The following SLIT2 variants were observed in gnomAD, a reference collection of about 807,000 sequenced individuals.
SLIT2 encodes slit guidance ligand 2.
A neutral mutation model predicts 185.7 loss-of-function variants in SLIT2; 41 were observed. That is an observed-to-expected ratio of 0.22 (90% CI 0.17 to 0.29). The LOEUF (loss-of-function observed/expected upper bound fraction) is 0.29. SLIT2 is among the 10% of genes least tolerant of loss of function. The probability of loss-of-function intolerance (pLI) is 1.00; values close to 1 mark genes in which losing one functional copy is unlikely to be tolerated. For missense variants in SLIT2, 1,571 were observed against 1,909.0 expected, an observed-to-expected ratio of 0.82 and a Z score of 3.30; for synonymous variants, 693 against 680.2, an observed-to-expected ratio of 1.02 and a Z score of -0.29.
In SLIT2 at chr4:20,254,018, C is replaced by G. The variant is rs73801487; in HGVS notation, c.179+24C>G. 35 of 1,590,848 alleles carry G rather than the reference C, an allele frequency of 2.2e-5. No homozygotes were observed. The highest frequency in any genetic ancestry group is 2.9e-5 in the Non-Finnish European group (34 of 1,171,936). On this transcript the variant is annotated intron_variant, in intron 1 of 36. Transcript: ENST00000504154. The surrounding 1 kb of genome is among the most constrained non-coding windows in gnomAD (Gnocchi z 5.1). ...CTGTGAGTATGCGCTCTTCGTCTTC[C>G]CCTCTCCCCATCCGGGCCGCGCACC...
intron 21 of SLIT2, among the ~76,000 whole-genome samples, chr4:20,542,839 TGTGTGTGTGTGTGTGTGTGTGTGC>T (rs1169358765): frequency 9.2e-4 from 85 of 92,682 alleles, no homozygotes; most frequent in African/African-American, 3.6e-3. Flanking sequence ...TGTGTGTGTG[TGTGTGTGTGTGTGTGTGTGTGTGC>T]GCTATAAGAT....
At chr4:20,359,345 G>C (rs1348927672) in intron 4 of SLIT2, among the ~76,000 whole-genome samples, 1 of 151,964 alleles carries the variant, frequency 6.6e-6, no homozygotes, top group Non-Finnish European at 1.5e-5. Flanking sequence ...GTGTAGGGAG[G>C]GATTTCTGGT....
At position 20,254,565 on chromosome 4, in the gene SLIT2, A is replaced by G. The variant is rs544054270; in HGVS notation, c.179+571A>G. On this transcript the variant is annotated intron_variant, in intron 1 of 36. Transcript: ENST00000504154. This position sits in a 1 kb window ranked among gnomAD's most constrained non-coding sequence, Gnocchi z 5.1. ...CAGGTCGCGGGGAGAAGGGTGCCCCAGGACGGCGACACCTCGCATAGTAGC... is the reference window on the plus strand; with the variant it reads ...CAGGTCGCGGGGAGAAGGGTGCCCCGGGACGGCGACACCTCGCATAGTAGC... 3.9e-5 allele frequency among the ~76,000 whole-genome samples: 6 copies of G among 152,254 alleles called. No homozygotes were observed. The highest frequency in any genetic ancestry group is 3.4e-3 in the Middle Eastern group (1 of 294).
At chr4:20,410,284 T>G (rs111298476) in intron 4 of SLIT2, among the ~76,000 whole-genome samples, 27,444 of 137,704 alleles carry the variant, frequency 0.2, 3,144 homozygotes, top group Non-Finnish European at 0.26. Flanking sequence ...AGTCTTGCTC[T>G]GTCACCCAGG....
intron 4 of SLIT2, among the ~76,000 whole-genome samples, chr4:20,452,878 G>T (rs1460104396): frequency 1.3e-5 from 2 of 152,140 alleles, no homozygotes; most frequent in Admixed American, 1.3e-4. Context: ...GGAATTGCAG[G>T]TGCTCACCCC....
intron 29 of SLIT2, 51 bp from the exon 30 acceptor site, chr4:20,589,593 G>T (rs1727337932): frequency 7.5e-7 from 1 of 1,336,834 alleles, no homozygotes; most frequent in Non-Finnish European, 1.1e-6. Flanking sequence ...TCTGCTGGCA[G>T]GAAGCCTGTT....
intron 11 of SLIT2, among the ~76,000 whole-genome samples, chr4:20,512,636 A>G (rs541324162): frequency 5.9e-5 from 9 of 152,314 alleles, no homozygotes; most frequent in African/African-American, 2.2e-4. Context: ...TCCATAAAGT[A>G]CTGTTAGCAC....
intron 30 of SLIT2, among the ~76,000 whole-genome samples, chr4:20,592,668 G>A (rs1419133717): frequency 6.6e-6 from 1 of 152,064 alleles, no homozygotes; most frequent in Non-Finnish European, 1.5e-5. Flanking sequence ...ATAATTCAGA[G>A]TGTTTCAAAG....
At chr4:20,362,046 G>A (rs1722782838) in intron 4 of SLIT2, among the ~76,000 whole-genome samples, 1 of 152,012 alleles carries the variant, frequency 6.6e-6, no homozygotes, top group South Asian at 2.1e-4. Context: ...TCAAAATATG[G>A]CTGCGTTCTC....
At chr4:20,513,257 C>A (rs1156715285) in intron 11 of SLIT2, among the ~76,000 whole-genome samples, 1 of 152,098 alleles carries the variant, frequency 6.6e-6, no homozygotes, top group African/African-American at 2.4e-5. Flanking sequence ...AATGTAGCAA[C>A]GTGTGGAAGA....
chr4:20,454,567 T>C (rs1712841299), intron 4 of SLIT2, among the ~76,000 whole-genome samples: 1 of 152,134 alleles, frequency 6.6e-6, no homozygotes. Flanking sequence ...GAAGTACAGA[T>C]TTATGATATT....
intron 4 of SLIT2, among the ~76,000 whole-genome samples, chr4:20,415,014 C>T (rs763848111): frequency 2.0e-5 from 3 of 151,998 alleles, no homozygotes; most frequent in Non-Finnish European, 4.4e-5. Flanking sequence ...CATATTTTTG[C>T]TCAGTAATGG....
chr4:20,594,004 A>G (rs983729140), intron 30 of SLIT2, among the ~76,000 whole-genome samples: 2 of 149,338 alleles, frequency 1.3e-5, no homozygotes, highest in Non-Finnish European at 3.0e-5. Flanking sequence ...ATATACACAC[A>G]CATACATATG....
chr4:20,285,143 C>G (rs746349127), intron 4 of SLIT2, among the ~76,000 whole-genome samples: 1 of 152,208 alleles, frequency 6.6e-6, no homozygotes, highest in East Asian at 1.9e-4. Flanking sequence ...CTTAGCAACT[C>G]CAGCCATACA....
chr4:20,585,659 T>C (rs892973804), intron 29 of SLIT2, among the ~76,000 whole-genome samples: 1 of 152,322 alleles, frequency 6.6e-6, no homozygotes, highest in East Asian at 1.9e-4. Flanking sequence ...GACCTGCTTA[T>C]AGGGTAATCA....
At chr4:20,523,556 T>C (rs1442912860) in intron 12 of SLIT2, among the ~76,000 whole-genome samples, 1 of 152,224 alleles carries the variant, frequency 6.6e-6, no homozygotes, top group African/African-American at 2.4e-5. Flanking sequence ...CCACTAGATT[T>C]AGGTTCATTT....
Position 20,253,110 on chromosome 4 carries a change from C to CA in SLIT2, c.-705dup. The stretch of plus-strand genomic sequence containing the variant: ...GCGAAGTGCATGTGTGTTTGTAAAC[C>CA]ATCGTTGGCTGTCGGGAGACCGCGA... On this transcript the variant is annotated 5_prime_UTR_variant, in exon 1 of 37. The change creates a premature stop within an existing upstream ORF in the 5' untranslated region. Coordinates refer to ENST00000504154, the MANE Select transcript of SLIT2 (RefSeq NM_004787.4). 1 of 153,394 alleles carries CA rather than the reference C, an allele frequency of 6.5e-6. No homozygotes were observed. Among genetic ancestry groups the CA allele is most frequent in the African/African-American group, 2.4e-5 (1 of 41,570 alleles). The allele number at this position is 153,394 out of a possible 1,614,324, so 9.5% of individuals were successfully genotyped here.
intron 6 of SLIT2, among the ~76,000 whole-genome samples, chr4:20,485,878 C>G (rs1717182697): frequency 6.6e-6 from 1 of 152,198 alleles, no homozygotes; most frequent in Admixed American, 6.5e-5. Context: ...CCAACTGTAA[C>G]TATCCCGTGT....
At chr4:20,455,119 C>T (rs1386494199) in intron 4 of SLIT2, among the ~76,000 whole-genome samples, 1 of 152,072 alleles carries the variant, frequency 6.6e-6, no homozygotes, top group Non-Finnish European at 1.5e-5. Flanking sequence ...TGGTGATAGA[C>T]ATGACAGGAA....
Sources: gnomAD v4.1 joint callset for allele counts (sites outside exome capture counted in the v4.1 genomes callset) on GRCh38, gnomAD v4.1.1 for gene constraint, Gnocchi (gnomAD v3.1) non-coding constraint, MANE v1.5 for transcripts, NCBI Gene and HGNC (gene_info 2026-07-23, HGNC 2026-07-21) for gene names.